MYH2: variants seen among roughly 807,000 people sequenced by gnomAD.
MYH2 encodes myosin-2.
MYH2 carries 139 observed loss-of-function variants against 228.1 expected under a neutral mutation model. The observed-to-expected ratio is 0.61, with a 90% CI of 0.53 to 0.70. The LOEUF (loss-of-function observed/expected upper bound fraction) is 0.70. Ranked by LOEUF, MYH2 falls within the 30% of genes least tolerant of loss-of-function variation. The pLI, the probability that MYH2 is intolerant of heterozygous loss-of-function variation, is 0.00. For synonymous variants in MYH2, 796 were observed against 871.1 expected (o/e 0.91, Z 1.52); for missense variants, 1,809 against 2,357.5 (o/e 0.77, Z 4.82).
At chr17:10,523,433 A>G in intron 37 of MYH2, 21 bp from the exon 38 acceptor site, 1 of 1,614,176 alleles carries the variant, frequency 6.2e-7, no homozygotes, top group Non-Finnish European at 8.5e-7. Flanking sequence ...GTAGGCTCTT[A>G]AGAACTTTGA....
Position 10,537,992 on chromosome 17 carries a change from A to T in MYH2, c.1417-157T>A. 1 of 1,393,790 alleles carries T rather than the reference A, an allele frequency of 7.2e-7. No homozygotes were observed. The allele number at this position is 1,393,790 out of a possible 1,614,324, so 86.3% of individuals were successfully genotyped here. A position where few individuals can be genotyped will look rare whatever the true frequency, so the allele number is the denominator to read the frequency against. ...GACTTTGAAATAAAAGGTGAAAAGT[A>T]TGGAAGGTTTGAGGGCATGTGGAAG... is the stretch of plus-strand genomic sequence containing the variant. On this transcript the variant is annotated intron_variant, in intron 14 of 39. Transcript: ENST00000245503. This position sits in a 1 kb window ranked among gnomAD's most constrained non-coding sequence, Gnocchi z 4.0.
At chr17:10,535,937 A>C (rs2073477555) in intron 17 of MYH2, among the ~76,000 whole-genome samples, 1 of 152,210 alleles carries the variant, frequency 6.6e-6, no homozygotes, top group Non-Finnish European at 1.5e-5. Context: ...CATTAGCCAT[A>C]CTGATGTCTT....
Position 10,525,430 on chromosome 17 carries a change from T to C in MYH2, c.4537+21A>G. 2.5e-6 allele frequency: 4 copies of C among 1,614,150 alleles called. No individual in the cohort carries two copies. The highest frequency in any genetic ancestry group is 3.4e-6 in the Non-Finnish European group (4 of 1,180,012). Reference sequence around the variant, plus strand: ...AGATTCTTCCAAGTTATGAATATTATTGAATATGATAGGGACTTACGCTGT... The same window carrying C: ...AGATTCTTCCAAGTTATGAATATTACTGAATATGATAGGGACTTACGCTGT... On this transcript the variant is annotated intron_variant, in intron 32 of 39. Transcript: ENST00000245503. This position sits in a 1 kb window ranked among gnomAD's most constrained non-coding sequence, Gnocchi z 4.2.
chr17:10,540,958 C>T (rs2073545320), intron 10 of MYH2, among the ~76,000 whole-genome samples: 1 of 152,276 alleles, frequency 6.6e-6, no homozygotes, highest in Non-Finnish European at 1.5e-5. Context: ...ATTTCATGGA[C>T]ATTTATCACT....
intron 10 of MYH2, among the ~76,000 whole-genome samples, chr17:10,541,549 C>T (rs1223649470): frequency 6.6e-6 from 1 of 152,214 alleles, no homozygotes; most frequent in East Asian, 1.9e-4. Flanking sequence ...TTTAATTTCA[C>T]CCCAGTCCTG....
rs193069934 is a variant in MYH2 at position 10,523,388 on chromosome 17, C to T, written c.5497G>A (p.Glu1833Lys). 1.2e-6 allele frequency: 2 copies of T among 1,614,204 alleles called. No individual in the cohort carries two copies. The highest frequency in any genetic ancestry group is 2.2e-5 in the East Asian group (1 of 44,878). The change falls in exon 38 of 40, where the codon GAG becomes AAG. Residue 1833 changes from glutamate to lysine, a missense_variant. Physicochemically the swap from Glu to Lys is moderately conservative, Grantham distance 56. This residue lies in a region of MYH2 where 278 missense variants were observed against 308.5 expected (regional missense o/e 0.90). Coordinates refer to ENST00000245503, the MANE Select transcript of MYH2 (RefSeq NM_017534.6). ...TCAGCATTACGCTTTTGCTCACTCT[C>T]AACCTCTCCTTCCAGCTCCCGTACC... is the stretch of plus-strand genomic sequence containing the variant. ...ARVRELEGEV[E>K]SEQKRNAEAV...
rs765598903 is a variant in MYH2, at chr17:10,547,923, C to G, written c.-3G>C. Reference sequence around the variant, plus strand: ...GCCAATTCTGAGTCTGAACTCATGGCTGCTGAACTCAGAGGTCCTAAAGGA... The same window carrying G: ...GCCAATTCTGAGTCTGAACTCATGGGTGCTGAACTCAGAGGTCCTAAAGGA... On this transcript the variant is annotated 5_prime_UTR_variant, in exon 3 of 40. Transcript: ENST00000245503. The G allele has an allele frequency of 1.2e-6, 2 of 1,614,122 alleles. No individual in the cohort carries two copies. Among genetic ancestry groups the G allele is most frequent in the East Asian group, 4.5e-5 (2 of 44,874 alleles).
rs139755852 is a variant in MYH2, at chr17:10,528,781, C to T, written c.3653G>A (p.Arg1218Gln). 4.6e-5 allele frequency: 74 copies of T among 1,614,030 alleles called. No individual in the cohort carries two copies. Among genetic ancestry groups the T allele is most frequent in the South Asian group, 3.7e-4 (34 of 91,080 alleles). Reference sequence around the variant, plus strand: ...CTCCTTCTCCAGCTTCTGCTTCACTCGCTGCAGGTTGTCAATCTGCTCCCC... The same window carrying T: ...CTCCTTCTCCAGCTTCTGCTTCACTTGCTGCAGGTTGTCAATCTGCTCCCC... ...ELGEQIDNLQRVKQKLEKEKS... is the reference protein window; with the variant it reads ...ELGEQIDNLQQVKQKLEKEKS... Residue 1218 changes from arginine (R) to glutamine (Q), a missense_variant, in exon 27 of 40, where the codon CGA becomes CAA. Transcript: ENST00000245503.
chr17:10,538,477 T>C (rs1039084143), intron 14 of MYH2, among the ~76,000 whole-genome samples: 1 of 151,360 alleles, frequency 6.6e-6, no homozygotes, highest in African/African-American at 2.4e-5. Flanking sequence ...TCGTCTCTAC[T>C]AAAAAAAATA....
At chr17:10,535,438 A>C in intron 17 of MYH2, 73 bp from the exon 18 acceptor site, 1 of 1,250,822 alleles carries the variant, frequency 8.0e-7, no homozygotes, top group East Asian at 2.4e-5. Context: ...TGTCTATAAA[A>C]TCAATATCTA....
rs557739054 is a variant in MYH2 at position 10,527,064 on chromosome 17, A to G, written c.3872-8T>C. On this transcript the variant is annotated splice_region_variant and splice_polypyrimidine_tract_variant and intron_variant, in intron 28 of 39. Transcript: ENST00000245503. ...GCTGGCGTGAAAACTCACCTGATGG[A>G]CAAAAGAAATGGCACCATTTTTTAG... is the stretch of plus-strand genomic sequence containing the variant. The G allele has an allele frequency of 8.1e-6, 13 of 1,612,040 alleles. No homozygotes were observed. The highest frequency in any genetic ancestry group is 1.1e-5 in the Non-Finnish European group (13 of 1,178,156).
At chr17:10,534,721 A>G (rs934064479) in intron 19 of MYH2, among the ~76,000 whole-genome samples, 5 of 152,342 alleles carry the variant, frequency 3.3e-5, no homozygotes, top group African/African-American at 1.2e-4. Context: ...GTTTGAGACT[A>G]GCCTGGCCAG....
rs764004345 is a variant in MYH2 at position 10,525,465 on chromosome 17, T to C, written c.4523A>G (p.Asn1508Ser). 5 of 1,614,222 alleles carry C rather than the reference T, an allele frequency of 3.1e-6. No homozygotes were observed. The South Asian group carries it at 5.5e-5, about 18-fold the overall frequency. Reference protein sequence around the residue: ...LDQLETLKRENKNLQQEISDL... With the variant: ...LDQLETLKRESKNLQQEISDL... ...TAGGGACTTACGCTGTAAGTTTTTGTTCTCTCGCTTCAGGGTTTCTAGCTG... is the reference window on the plus strand; with the variant it reads ...TAGGGACTTACGCTGTAAGTTTTTGCTCTCTCGCTTCAGGGTTTCTAGCTG... The change falls in exon 32 of 40, where the codon AAC (asparagine) becomes AGC (serine). Residue 1508 changes from asparagine to serine, a missense_variant. Physicochemically the swap from Asn to Ser is conservative, Grantham distance 46 (BLOSUM62 1). Coordinates refer to ENST00000245503, the MANE Select transcript of MYH2 (RefSeq NM_017534.6). The surrounding 1 kb of genome is among the most constrained non-coding windows in gnomAD (Gnocchi z 4.2).
intron 14 of MYH2, among the ~76,000 whole-genome samples, chr17:10,538,260 G>T (rs898879241): frequency 6.6e-6 from 1 of 151,414 alleles, no homozygotes; most frequent in African/African-American, 2.4e-5. Context: ...CACATGGTCA[G>T]CATGGCAAGT....
At chr17:10,540,981 ACT>A (rs1253987753) in intron 10 of MYH2, among the ~76,000 whole-genome samples, 2 of 152,066 alleles carry the variant, frequency 1.3e-5, no homozygotes, top group African/African-American at 4.8e-5. Flanking sequence ...CCCAATCAAT[ACT>A]CTTGTGATTT....
Position 10,524,672 on chromosome 17 carries a change from G to A in MYH2, c.4972-3C>T, listed in dbSNP as rs1199905357. ...TCATCCAGGTGGATCTGGGTATCCT[G>A]TGAAACAAACCATCATTGAGACATC... On this transcript the variant is annotated splice_region_variant and splice_polypyrimidine_tract_variant and intron_variant, in intron 34 of 39. Transcript: ENST00000245503. The surrounding 1 kb of genome is among the most constrained non-coding windows in gnomAD (Gnocchi z 4.7). 6.2e-7 allele frequency: 1 copy of A among 1,614,108 alleles called. No homozygotes were observed. Among genetic ancestry groups the A allele is most frequent in the African/African-American group, 1.3e-5 (1 of 74,940 alleles).
At chr17:10,535,638 G>C (rs1410960230) in intron 17 of MYH2, among the ~76,000 whole-genome samples, 1 of 152,094 alleles carries the variant, frequency 6.6e-6, no homozygotes. Flanking sequence ...TTTCTACCCT[G>C]GTCCCTGGCC....
chr17:10,541,166 G>A (rs1366817895), intron 10 of MYH2, among the ~76,000 whole-genome samples: 3 of 152,198 alleles, frequency 2.0e-5, no homozygotes, highest in Non-Finnish European at 2.9e-5. Flanking sequence ...GATAACAGCG[G>A]TGTTCAGGGA....
chr17:10,541,031 A>G (rs973689421), intron 10 of MYH2, among the ~76,000 whole-genome samples: 2 of 152,210 alleles, frequency 1.3e-5, no homozygotes, highest in Non-Finnish European at 1.5e-5. Context: ...TAATCCTGTC[A>G]TCTTCATAAA....
Sources: allele counts gnomAD v4.1 joint callset (sites outside exome capture counted in the v4.1 genomes callset), GRCh38; gene constraint gnomAD v4.1.1; regional missense constraint gnomAD v4.1.1; non-coding constraint Gnocchi (gnomAD v3.1); transcripts MANE v1.5; gene names NCBI Gene and HGNC (gene_info 2026-07-23, HGNC 2026-07-21).